The following RAP1GAP2 variants were observed in gnomAD, a reference collection of about 807,000 sequenced individuals.
RAP1GAP2 encodes the protein RAP1 GTPase activating protein 2.
Under a neutral mutation model 95.0 loss-of-function variants are expected in RAP1GAP2, and 27 were observed. That is an observed-to-expected ratio of 0.28 (90% CI 0.21 to 0.39). RAP1GAP2 has a LOEUF of 0.39. Ranked by LOEUF, RAP1GAP2 falls within the 10% of genes least tolerant of loss-of-function variation. The pLI, the probability that RAP1GAP2 is intolerant of heterozygous loss-of-function variation, is 1.00. For synonymous variants in RAP1GAP2, 373 were observed against 380.9 expected, an observed-to-expected ratio of 0.98 and a Z score of 0.24; for missense variants, 771 against 970.0, an observed-to-expected ratio of 0.79 and a Z score of 2.72.
intron 12 of RAP1GAP2, among the ~76,000 whole-genome samples, chr17:2,992,110 G>T (rs1304714128): frequency 2.0e-5 from 3 of 151,052 alleles, no homozygotes; most frequent in Non-Finnish European, 4.4e-5. Flanking sequence ...GCATCATGAG[G>T]AGCTGATGCA....
At chr17:2,977,514 G>A (rs1053196256) in intron 8 of RAP1GAP2, among the ~76,000 whole-genome samples, 1 of 152,094 alleles carries the variant, frequency 6.6e-6, no homozygotes, top group Non-Finnish European at 1.5e-5. Context: ...GGAGGCCAAG[G>A]TGGGTGGATC....
At chr17:2,802,997 A>G (rs1395008088) in intron 2 of RAP1GAP2, among the ~76,000 whole-genome samples, 2 of 152,234 alleles carry the variant, frequency 1.3e-5, no homozygotes, top group Admixed American at 6.5e-5. Flanking sequence ...GCATATTTGC[A>G]TACTGAGTGA....
intron 2 of RAP1GAP2, among the ~76,000 whole-genome samples, chr17:2,875,730 C>T (rs753761026): frequency 2.6e-5 from 4 of 152,010 alleles, no homozygotes; most frequent in African/African-American, 9.7e-5. Flanking sequence ...GCCTGTCTGT[C>T]TCATCCTCCT....
chr17:2,941,768 C>T (rs1427211790), intron 3 of RAP1GAP2, among the ~76,000 whole-genome samples: 5 of 151,824 alleles, frequency 3.3e-5, no homozygotes, highest in Admixed American at 1.3e-4. Flanking sequence ...CAGCAACCTC[C>T]GCCTCCCAGG....
intron 19 of RAP1GAP2, among the ~76,000 whole-genome samples, chr17:3,021,458 A>G (rs1455946846): frequency 2.5e-5 from 2 of 80,728 alleles, no homozygotes; most frequent in South Asian, 4.8e-4. Flanking sequence ...TTTTTTTTTG[A>G]GACAGAGTCT....
At chr17:2,844,057 G>C (rs1009850139) in intron 2 of RAP1GAP2, among the ~76,000 whole-genome samples, 2 of 151,866 alleles carry the variant, frequency 1.3e-5, no homozygotes, top group Non-Finnish European at 2.9e-5. Context: ...GTCTTGCTGT[G>C]TCGCCCAGGC....
chr17:2,867,212 T>C lies in RAP1GAP2; in HGVS notation c.81-38072T>C, dbSNP rs1439360235. Among the ~76,000 whole-genome samples, 1 of 152,224 alleles carries C rather than the reference T, an allele frequency of 6.6e-6. No homozygotes were observed. Among genetic ancestry groups the C allele is most frequent in the East Asian group, 1.9e-4 (1 of 5,202 alleles). ...ACCGTGCCTGGCCTCTGATTGGTCA[T>C]TTAGCTGATTTAGTCAAGAAACTTT... On this transcript the variant is annotated intron_variant, in intron 2 of 24. Transcript: ENST00000254695. This position sits in a 1 kb window ranked among gnomAD's most constrained non-coding sequence, Gnocchi z 4.5.
At chr17:3,022,524 A>C (rs1265111213) in intron 19 of RAP1GAP2, among the ~76,000 whole-genome samples, 2 of 152,174 alleles carry the variant, frequency 1.3e-5, no homozygotes, top group Non-Finnish European at 2.9e-5. Context: ...TGCTATTTGT[A>C]TGTCTTCTTT....
chr17:2,777,461 G>A (rs573442939), intron 1 of RAP1GAP2, among the ~76,000 whole-genome samples: 1 of 152,266 alleles, frequency 6.6e-6, no homozygotes, highest in African/African-American at 2.4e-5. Context: ...TTGGGAGCGG[G>A]GCCCGATTTC....
chr17:2,897,723 C>G (rs979485355), intron 2 of RAP1GAP2, among the ~76,000 whole-genome samples: 34 of 152,134 alleles, frequency 2.2e-4, no homozygotes, highest in Middle Eastern at 3.4e-3. Context: ...AGTGGGGCCT[C>G]TTCCTTGGAG....
intron 2 of RAP1GAP2, among the ~76,000 whole-genome samples, chr17:2,820,892 GTT>G (rs59814346): frequency 5.8e-5 from 6 of 104,098 alleles, no homozygotes; most frequent in African/African-American, 8.1e-5. Flanking sequence ...CCGGATAATG[GTT>G]TTTTTTTTTT....
At chr17:2,854,693 T>C (rs1251052385) in intron 2 of RAP1GAP2, among the ~76,000 whole-genome samples, 1 of 152,144 alleles carries the variant, frequency 6.6e-6, no homozygotes, top group Non-Finnish European at 1.5e-5. Context: ...TTCAGAGACA[T>C]TTTGGACGAC....
At chr17:2,905,995 T>C (rs557624807) in intron 3 of RAP1GAP2, among the ~76,000 whole-genome samples, 26 of 152,304 alleles carry the variant, frequency 1.7e-4, no homozygotes, top group African/African-American at 6.3e-4. Context: ...GTCCGACGCC[T>C]CGGCAGGATG....
intron 2 of RAP1GAP2, among the ~76,000 whole-genome samples, chr17:2,840,038 G>A (rs1597410831): frequency 6.6e-6 from 1 of 150,912 alleles, no homozygotes; most frequent in Non-Finnish European, 1.5e-5. Flanking sequence ...CCTCAGGTTC[G>A]CACCCGGCAG....
chr17:2,816,244 T>TTTTTC (rs2070021108), intron 2 of RAP1GAP2, among the ~76,000 whole-genome samples: 2 of 151,272 alleles, frequency 1.3e-5, no homozygotes, highest in Non-Finnish European at 2.9e-5. Flanking sequence ...TTGTTTTTTT[T>TTTTTC]TTTTCTTAGG....
Position 3,008,212 on chromosome 17 carries a change from A to G in RAP1GAP2, c.1494+67A>G, listed in dbSNP as rs576406779. On this transcript the variant is annotated intron_variant, in intron 17 of 24. Coordinates refer to ENST00000254695, the MANE Select transcript of RAP1GAP2 (RefSeq NM_015085.5). This position sits in a 1 kb window ranked among gnomAD's most constrained non-coding sequence, Gnocchi z 4.2. ...ATTGGGGAAGAAAGGAAGTGGTCCA[A>G]GGTCCATGGGATACTGATCCCAGAG... 1 of 1,601,606 alleles carries G rather than the reference A, an allele frequency of 6.2e-7. No individual in the cohort carries two copies. Among genetic ancestry groups the G allele is most frequent in the South Asian group, 1.1e-5 (1 of 89,174 alleles).
chr17:2,800,472 T>C, intron 1 of RAP1GAP2, 43 bp from the exon 2 acceptor site: 1 of 1,601,422 alleles, frequency 6.2e-7, no homozygotes, highest in African/African-American at 1.3e-5. Context: ...GTAGGAGTCT[T>C]CAGCCTCAGC....
intron 8 of RAP1GAP2, among the ~76,000 whole-genome samples, chr17:2,968,630 CTT>C (rs922223631): frequency 2.3e-4 from 35 of 152,122 alleles, no homozygotes; most frequent in African/African-American, 8.2e-4. Flanking sequence ...AGAAAACACA[CTT>C]TGTCTGTAGA....
intron 7 of RAP1GAP2, chr17:2,964,674 C>T (rs772709903): frequency 6.5e-6 from 1 of 153,626 alleles, no homozygotes; most frequent in Non-Finnish European, 1.4e-5. Flanking sequence ...TGTGTTCTCA[C>T]ACCTCAAGAA....
Sources: allele counts gnomAD v4.1 joint callset (sites outside exome capture counted in the v4.1 genomes callset), GRCh38; gene constraint gnomAD v4.1.1; non-coding constraint Gnocchi (gnomAD v3.1); transcripts MANE v1.5; gene names NCBI Gene and HGNC (gene_info 2026-07-23, HGNC 2026-07-21).